DTWD1: variants seen among roughly 807,000 people sequenced by gnomAD.
DTWD1 encodes DTW motif tRNA-uridine aminocarboxypropyltransferase 1.
In DTWD1, 27 loss-of-function variants were observed where a neutral mutation model predicts 30.2. The ratio of observed to expected loss-of-function variants is 0.90; its 90% CI spans 0.66 to 1.23. DTWD1 has a LOEUF of 1.23. Among genes scored for constraint, DTWD1 ranks in the 50% most tolerant of loss-of-function variants. DTWD1 has a pLI of 0.00. For missense variants in DTWD1, 342 were observed against 348.8 expected (o/e 0.98, Z 0.15); for synonymous variants, 99 against 113.1 (o/e 0.88, Z 0.79).
intron 3 of DTWD1, among the ~76,000 whole-genome samples, chr15:49,633,037 T>TTATATATATATATATA (rs1555588540): frequency 1.2e-4 from 9 of 76,692 alleles, no homozygotes; most frequent in Non-Finnish European, 3.2e-4. Context: ...ACTTTCCTAT[T>TTATATATATATATATA]TATATCTATA....
rs1306193286 is a variant in DTWD1 at position 49,651,490 on chromosome 15, A to G, written c.*7912A>G. On this transcript the variant is annotated 3_prime_UTR_variant, in exon 5 of 5. Transcript: ENST00000403028. ...ACTGTGGAAAGGATGAAGACTAAGC[A>G]TAGGGTTCAGTAGCTTGAGTTTCAA... 3 of 152,208 alleles carry G rather than the reference A, an allele frequency of 2.0e-5. No individual in the cohort carries two copies. Among genetic ancestry groups the G allele is most frequent in the Admixed American group, 1.3e-4 (2 of 15,274 alleles). 9.4% of individuals were successfully genotyped at this position (152,208 alleles called of 1,614,324 possible).
chr15:49,624,311 C>T (rs2078809790), intron 1 of DTWD1, among the ~76,000 whole-genome samples: 1 of 152,152 alleles, frequency 6.6e-6, no homozygotes, highest in Non-Finnish European at 1.5e-5. Flanking sequence ...CTGTGGAATG[C>T]ATATCGAATC....
intron 3 of DTWD1, among the ~76,000 whole-genome samples, chr15:49,633,845 A>G (rs1047443909): frequency 3.3e-5 from 5 of 152,238 alleles, no homozygotes; most frequent in Non-Finnish European, 1.5e-5. Flanking sequence ...AGCTCTAACA[A>G]TATAAATCTC....
At chr15:49,631,980 G>A in intron 2 of DTWD1, 179 bp from the exon 3 acceptor site, 1 of 660,766 alleles carries the variant, frequency 1.5e-6, no homozygotes, top group Non-Finnish European at 2.6e-6. Context: ...TGCCAAGGAA[G>A]AAATTTGGGT....
rs756690879 is a variant in DTWD1, at chr15:49,626,752, A to G, written c.264+1321A>G. 109 of 445,564 alleles carry G rather than the reference A, an allele frequency of 2.4e-4. 2 individuals carry two copies. The highest frequency in any genetic ancestry group is 1.6e-3 in the South Asian group (103 of 63,008). The allele number at this position is 445,564 out of a possible 1,614,324, so 27.6% of individuals were successfully genotyped here. A position where few individuals can be genotyped will look rare whatever the true frequency, so the allele number is the denominator to read the frequency against. On this transcript the variant is annotated intron_variant, in intron 2 of 4. Transcript: ENST00000403028. Reference sequence around the variant, plus strand: ...TTTTATTTGAATTTCAGTTTAGCCTATATCATCTTGGCCAGTCCATGGTCT... The same window carrying G: ...TTTTATTTGAATTTCAGTTTAGCCTGTATCATCTTGGCCAGTCCATGGTCT...
At chr15:49,621,189 C>T (rs1251720007) in intron 1 of DTWD1, 67 bp downstream of exon 1, 1 of 152,222 alleles carries the variant, frequency 6.6e-6, no homozygotes, top group Non-Finnish European at 1.5e-5. Context: ...GGTCTGGCCC[C>T]AGAGGTGCGG....
Position 49,625,215 on chromosome 15 carries a change from T to A in DTWD1, c.48T>A (p.Ser16Arg). ...TTCTCAAACGAAGTGAAGAAAATAGTTCAAAATTTGTGGAAACAAAACAGT... is the reference window on the plus strand; with the variant it reads ...TTCTCAAACGAAGTGAAGAAAATAGATCAAAATTTGTGGAAACAAAACAGT... ...PIFLKRSEEN[S>R]SKFVETKQSQ... is the part of the protein sequence containing the mutation. The change falls in exon 2 of 5, where the codon AGT becomes AGA. Residue 16 changes from serine (S) to arginine (R), a missense_variant. Ser to Arg is a moderately radical substitution (Grantham distance 110). Coordinates refer to ENST00000403028, the MANE Select transcript of DTWD1 (RefSeq NM_001144955.2). 1 of 1,613,478 alleles carries A rather than the reference T, an allele frequency of 6.2e-7. No individual in the cohort carries two copies. The highest frequency in any genetic ancestry group is 8.5e-7 in the Non-Finnish European group (1 of 1,179,634).
At chr15:49,638,960 A>G (rs1157107608) in intron 4 of DTWD1, among the ~76,000 whole-genome samples, 1 of 152,190 alleles carries the variant, frequency 6.6e-6, no homozygotes, top group Non-Finnish European at 1.5e-5. Flanking sequence ...GTTGGATGTG[A>G]GTCCAAATTA....
intron 2 of DTWD1, chr15:49,631,958 C>T (rs2078926108): frequency 5.0e-6 from 3 of 599,388 alleles, no homozygotes; most frequent in African/African-American, 1.9e-5. Context: ...TGTCCTAATA[C>T]ATGAATAACA....
rs1313482872 is a variant in DTWD1 at position 49,644,166 on chromosome 15, A to C, written c.*588A>C. 1 of 152,240 alleles carries C rather than the reference A, an allele frequency of 6.6e-6. No homozygotes were observed. Among genetic ancestry groups the C allele is most frequent in the Non-Finnish European group, 1.5e-5 (1 of 68,074 alleles). 9.4% of individuals were successfully genotyped at this position (152,240 alleles called of 1,614,324 possible). A position where few individuals can be genotyped will look rare whatever the true frequency, so the allele number is the denominator to read the frequency against. On this transcript the variant is annotated 3_prime_UTR_variant, in exon 5 of 5. Coordinates refer to ENST00000403028, the MANE Select transcript of DTWD1 (RefSeq NM_001144955.2). Reference sequence around the variant, plus strand: ...CATGTCATTTTCTTCCATTTGTACAAAGCAGGCAATACTGAGCAACTACCT... The same window carrying C: ...CATGTCATTTTCTTCCATTTGTACACAGCAGGCAATACTGAGCAACTACCT...
Position 49,649,534 on chromosome 15 carries a change from T to C in DTWD1, c.*5956T>C, listed in dbSNP as rs894280427. On this transcript the variant is annotated 3_prime_UTR_variant, in exon 5 of 5. Transcript: ENST00000403028. ...GGTGGATCGCCTGAGGTCTGGAGTT[T>C]AAGACCAGCCTGGCTAACATGGCGA... 12 of 152,130 alleles carry C rather than the reference T, an allele frequency of 7.9e-5. No homozygotes were observed. Among genetic ancestry groups the C allele is most frequent in the African/African-American group, 2.9e-4 (12 of 41,396 alleles). The allele number at this position is 152,130 out of a possible 1,614,324, so 9.4% of individuals were successfully genotyped here. A position where few individuals can be genotyped will look rare whatever the true frequency, so the allele number is the denominator to read the frequency against.
rs193168759 is a variant in DTWD1 at position 49,628,328 on chromosome 15, G to A, written c.264+2897G>A. The stretch of plus-strand genomic sequence containing the variant: ...CATTTCTTTTTTCTAATTAGGATGA[G>A]TGTACTCTAAAACTAAAAAAATTAA... On this transcript the variant is annotated intron_variant, in intron 2 of 4. Coordinates refer to ENST00000403028, the MANE Select transcript of DTWD1 (RefSeq NM_001144955.2). Among the ~76,000 whole-genome samples, 1,487 of 152,250 alleles carry A rather than the reference G, an allele frequency of 9.8e-3. 14 individuals carry two copies. The highest frequency in any genetic ancestry group is 0.037 in the Middle Eastern group (11 of 294).
chr15:49,643,467 G>A lies in DTWD1; in HGVS notation c.804G>A (p.Glu268=). The A allele has an allele frequency of 3.1e-6, 5 of 1,609,706 alleles. No homozygotes were observed. The highest frequency in any genetic ancestry group is 3.4e-6 in the Non-Finnish European group (4 of 1,177,872). ...ACTACCATACTGATATATTAAAAGAGAAATACAGAGGGCAATATGACAATC... is the reference window on the plus strand; with the variant it reads ...ACTACCATACTGATATATTAAAAGAAAAATACAGAGGGCAATATGACAATC... ...LVDYHTDILK[E]KYRGQYDNLL... Residue 268 remains glutamate, a synonymous_variant, in exon 5 of 5, where the codon GAG becomes GAA. Transcript: ENST00000403028.
chr15:49,633,535 T>C (rs1227817242), intron 3 of DTWD1: 6 of 200,580 alleles, frequency 3.0e-5, no homozygotes, highest in Admixed American at 6.1e-5. Flanking sequence ...GGTCTCACTA[T>C]GTTGCCCAGA....
In DTWD1 at chr15:49,654,559, C is replaced by G. The variant is rs926234271; in HGVS notation, c.*10981C>G. The G allele has an allele frequency of 6.6e-6, 1 of 152,076 alleles. No homozygotes were observed. The highest frequency in any genetic ancestry group is 2.4e-5 in the African/African-American group (1 of 41,430). The allele number at this position is 152,076 out of a possible 1,614,324, so 9.4% of individuals were successfully genotyped here. On this transcript the variant is annotated 3_prime_UTR_variant, in exon 5 of 5. Transcript: ENST00000403028. The stretch of plus-strand genomic sequence containing the variant: ...ACATGGTGAGTCCCTAGAGACACCA[C>G]ATGGAAAGGCCACCTAGGGAAGAAC...
intron 4 of DTWD1, among the ~76,000 whole-genome samples, chr15:49,636,796 A>T (rs765695078): frequency 1.3e-5 from 2 of 152,210 alleles, no homozygotes; most frequent in Admixed American, 6.5e-5. Context: ...AGGTGAATTC[A>T]TACTTTATTG....
Position 49,634,927 on chromosome 15 carries a change from CT to C in DTWD1, c.667+138del, listed in dbSNP as rs2078981501. ...TTTGCCATATTTACTTTATTTCTCT[CT>C]TTTTATTATATATGTGAGTGTGTAT... is the stretch of plus-strand genomic sequence containing the variant. On this transcript the variant is annotated intron_variant, in intron 4 of 4. Transcript: ENST00000403028. 8 of 783,936 alleles carry C rather than the reference CT, an allele frequency of 1.0e-5. No individual in the cohort carries two copies. In the East Asian group the frequency reaches 2.0e-4, roughly 20 times the overall value. The allele number at this position is 783,936 out of a possible 1,614,324, so 48.6% of individuals were successfully genotyped here.
rs1481488583 is a variant in DTWD1 at position 49,650,385 on chromosome 15, A to G, written c.*6807A>G. On this transcript the variant is annotated 3_prime_UTR_variant, in exon 5 of 5. Coordinates refer to ENST00000403028, the MANE Select transcript of DTWD1 (RefSeq NM_001144955.2). ...AAGAAATAAAATAGGAAGATCAATTAGAATGCTATTTCAGTAGTCCATTTG... is the reference window on the plus strand; with the variant it reads ...AAGAAATAAAATAGGAAGATCAATTGGAATGCTATTTCAGTAGTCCATTTG... 1.3e-5 allele frequency: 2 copies of G among 152,184 alleles called. No homozygotes were observed. Among genetic ancestry groups the G allele is most frequent in the Non-Finnish European group, 2.9e-5 (2 of 68,026 alleles). The allele number at this position is 152,184 out of a possible 1,614,324, so 9.4% of individuals were successfully genotyped here. A position where few individuals can be genotyped will look rare whatever the true frequency, so the allele number is the denominator to read the frequency against.
At chr15:49,642,531 T>C (rs1260435217) in intron 4 of DTWD1, among the ~76,000 whole-genome samples, 1 of 152,160 alleles carries the variant, frequency 6.6e-6, no homozygotes, top group Non-Finnish European at 1.5e-5. Flanking sequence ...GAATATAGCC[T>C]GAAAATGATA....
Sources: gnomAD v4.1 joint callset for allele counts (sites outside exome capture counted in the v4.1 genomes callset) on GRCh38, gnomAD v4.1.1 for gene constraint, MANE v1.5 for transcripts, NCBI Gene and HGNC (gene_info 2026-07-23, HGNC 2026-07-21) for gene names.